The following ICA1 variants were observed in gnomAD, a reference collection of about 807,000 sequenced individuals.
ICA1 encodes the protein islet cell autoantigen 1.
In ICA1, 40 loss-of-function variants were observed where a neutral mutation model predicts 71.0. The ratio of observed to expected loss-of-function variants is 0.56; its 90% CI spans 0.44 to 0.73. The LOEUF (loss-of-function observed/expected upper bound fraction) is 0.73, where lower values mean the gene tolerates loss of function less well. Ranked by LOEUF, ICA1 falls within the 30% of genes least tolerant of loss-of-function variation. ICA1 has a pLI of 0.00. For synonymous variants in ICA1, 207 were observed against 209.5 expected, an observed-to-expected ratio of 0.99 and a Z score of 0.10; for missense variants, 578 against 576.5, an observed-to-expected ratio of 1.00 and a Z score of -0.03.
At chr7:8,142,036 G>A in intron 9 of ICA1, 1 of 1,456,994 alleles carries the variant, frequency 6.9e-7, no homozygotes, top group Non-Finnish European at 9.2e-7. Flanking sequence ...TTCATCTCGA[G>A]GCAAATATTC....
At position 8,125,682 on chromosome 7, in the gene ICA1, G is replaced by T. The variant is rs117664268; in HGVS notation, c.1330+2191C>A. Among the ~76,000 whole-genome samples the T allele has an allele frequency of 3.9e-4, 60 of 152,362 alleles. No homozygotes were observed. In the East Asian group the frequency reaches 0.011, roughly 28 times the overall value. On this transcript the variant is annotated intron_variant, in intron 13 of 13. Transcript: ENST00000402384. Reference sequence around the variant, plus strand: ...GGGCTCCAGGACAGCAGACAGCCTTGTCTGTTTTGTCCTCAGCTGAATTCC... The same window carrying T: ...GGGCTCCAGGACAGCAGACAGCCTTTTCTGTTTTGTCCTCAGCTGAATTCC...
chr7:8,200,399 T>C (rs943652600), intron 6 of ICA1, among the ~76,000 whole-genome samples: 1 of 122,936 alleles, frequency 8.1e-6, no homozygotes, highest in African/African-American at 3.1e-5. Flanking sequence ...AATTACAAAG[T>C]ACTATATTAA....
chr7:8,231,868 C>G (rs983007483), intron 3 of ICA1, among the ~76,000 whole-genome samples: 42 of 152,264 alleles, frequency 2.8e-4, no homozygotes, highest in African/African-American at 9.6e-4. Flanking sequence ...TTTTTGAAAT[C>G]TTGGGCTTTT....
intron 6 of ICA1, among the ~76,000 whole-genome samples, chr7:8,216,134 C>T (rs1456117445): frequency 2.0e-5 from 3 of 152,184 alleles, no homozygotes; most frequent in Non-Finnish European, 4.4e-5. Flanking sequence ...CTGCAAATGG[C>T]GGGAATGCCC....
At chr7:8,184,908 T>G (rs977933462) in intron 6 of ICA1, among the ~76,000 whole-genome samples, 2 of 151,980 alleles carry the variant, frequency 1.3e-5, no homozygotes, top group Non-Finnish European at 2.9e-5. Flanking sequence ...AACCCCATCT[T>G]TATTAAAATA....
In ICA1 at chr7:8,132,164, C is replaced by T. The variant is rs1791685147; in HGVS notation, c.1061-4022G>A. On this transcript the variant is annotated intron_variant, in intron 12 of 13. Transcript: ENST00000402384. This position sits in a 1 kb window ranked among gnomAD's most constrained non-coding sequence, Gnocchi z 4.5. ...ATGACGTACTCACATCCTCACCTGT[C>T]TCCAACTCCGTGACCTTGCAGGCAT... Among the ~76,000 whole-genome samples the T allele has an allele frequency of 6.6e-6, 1 of 152,234 alleles. No individual in the cohort carries two copies. The highest frequency in any genetic ancestry group is 2.4e-5 in the African/African-American group (1 of 41,454).
intron 6 of ICA1, among the ~76,000 whole-genome samples, chr7:8,182,598 T>C (rs1584981275): frequency 6.6e-6 from 1 of 152,102 alleles, no homozygotes; most frequent in South Asian, 2.1e-4. Flanking sequence ...ATCTTATGGG[T>C]GATATATTTC....
intron 6 of ICA1, among the ~76,000 whole-genome samples, chr7:8,174,483 TCCC>T (rs1562834052): frequency 6.6e-6 from 1 of 151,584 alleles, no homozygotes; most frequent in Non-Finnish European, 1.5e-5. Flanking sequence ...TGTGAGAATT[TCCC>T]CCAAGATGGC....
intron 3 of ICA1, among the ~76,000 whole-genome samples, chr7:8,231,667 C>T (rs1381986833): frequency 6.6e-6 from 1 of 152,168 alleles, no homozygotes; most frequent in African/African-American, 2.4e-5. Flanking sequence ...TAGTCCTAAC[C>T]TCAAAGGCAG....
intron 6 of ICA1, among the ~76,000 whole-genome samples, chr7:8,196,807 G>A (rs558057344): frequency 6.6e-6 from 1 of 152,154 alleles, no homozygotes; most frequent in Non-Finnish European, 1.5e-5. Context: ...ACAGGGGCCA[G>A]GTGGAGATAA....
intron 6 of ICA1, among the ~76,000 whole-genome samples, chr7:8,207,203 T>C (rs1474459585): frequency 6.6e-6 from 1 of 152,140 alleles, no homozygotes; most frequent in South Asian, 2.1e-4. Flanking sequence ...GATGCACAGA[T>C]AGATGGGTGG....
At chr7:8,243,520 CCT>C (rs1804769477) in intron 1 of ICA1, among the ~76,000 whole-genome samples, 1 of 152,204 alleles carries the variant, frequency 6.6e-6, no homozygotes, top group African/African-American at 2.4e-5. Flanking sequence ...ACAGGGATGT[CCT>C]CTCTCACCAC....
At chr7:8,176,150 A>G (rs903216801) in intron 6 of ICA1, among the ~76,000 whole-genome samples, 1 of 152,134 alleles carries the variant, frequency 6.6e-6, no homozygotes, top group Non-Finnish European at 1.5e-5. Context: ...ACGAAACACA[A>G]ACTTTGCACC....
intron 6 of ICA1, among the ~76,000 whole-genome samples, chr7:8,183,115 C>G (rs771796253): frequency 6.6e-6 from 1 of 152,094 alleles, no homozygotes; most frequent in Non-Finnish European, 1.5e-5. Context: ...CTAAATAGAC[C>G]GATTTACAAG....
At chr7:8,127,643 T>C (rs1036795769) in intron 13 of ICA1, among the ~76,000 whole-genome samples, 16 of 152,124 alleles carry the variant, frequency 1.1e-4, no homozygotes, top group African/African-American at 3.6e-4. Context: ...CAATATGATT[T>C]AGAACCACTC....
intron 3 of ICA1, among the ~76,000 whole-genome samples, chr7:8,229,244 C>T (rs761435255): frequency 5.9e-5 from 9 of 152,168 alleles, no homozygotes; most frequent in Non-Finnish European, 1.3e-4. Flanking sequence ...CCCCATCACT[C>T]CTTATTTTCC....
intron 5 of ICA1, among the ~76,000 whole-genome samples, chr7:8,219,745 T>C (rs1188695588): frequency 6.6e-6 from 1 of 152,220 alleles, no homozygotes; most frequent in Non-Finnish European, 1.5e-5. Flanking sequence ...AATAAGTCTG[T>C]AAAACAAACA....
intron 8 of ICA1, among the ~76,000 whole-genome samples, chr7:8,147,323 A>G (rs182328364): frequency 4.2e-4 from 64 of 152,238 alleles, no homozygotes; most frequent in African/African-American, 1.5e-3. Context: ...CAGGGACTCA[A>G]TTGTTGGCTC....
At chr7:8,184,567 C>A (rs976858469) in intron 6 of ICA1, among the ~76,000 whole-genome samples, 5 of 152,188 alleles carry the variant, frequency 3.3e-5, no homozygotes. Context: ...AGATAGCTTT[C>A]TCTCTTCCTA....
Sources: gnomAD v4.1 joint callset for allele counts (sites outside exome capture counted in the v4.1 genomes callset) on GRCh38, gnomAD v4.1.1 for gene constraint, Gnocchi (gnomAD v3.1) non-coding constraint, MANE v1.5 for transcripts, NCBI Gene and HGNC (gene_info 2026-07-23, HGNC 2026-07-21) for gene names.